The following CSTF3 variants were observed in gnomAD, a reference collection of about 807,000 sequenced individuals.
CSTF3 encodes cleavage stimulation factor subunit 3.
Under a neutral mutation model 105.8 loss-of-function variants are expected in CSTF3, and 29 were observed. That is an observed-to-expected ratio of 0.27 (90% CI 0.20 to 0.37). The LOEUF is 0.37. CSTF3 is among the 10% of genes least tolerant of loss of function. The pLI, the probability that CSTF3 is intolerant of heterozygous loss-of-function variation, is 1.00. For synonymous variants in CSTF3, 252 were observed against 281.9 expected (o/e 0.89, Z 1.06); for missense variants, 357 against 879.3 (o/e 0.41, Z 7.51).
intron 15 of CSTF3, among the ~76,000 whole-genome samples, chr11:33,095,371 C>T (rs964225117): frequency 1.3e-5 from 2 of 152,166 alleles, no homozygotes; most frequent in Non-Finnish European, 2.9e-5. Context: ...AAAAAACCAA[C>T]TTTTATACTA....
Position 33,090,581 on chromosome 11 carries a change from A to G in CSTF3, c.1592T>C (p.Met531Thr). 4 of 1,608,332 alleles carry G rather than the reference A, an allele frequency of 2.5e-6. No homozygotes were observed. The highest frequency in any genetic ancestry group is 1.1e-5 in the South Asian group (1 of 89,750). ...ACTTGCAGAGCAAGGATATAAATCC[A>G]TGAACTTGTATCTATCTACTAGTAA... ...TALLVDRYKFMDLYPCSASEL... is the reference protein window; with the variant it reads ...TALLVDRYKFTDLYPCSASEL... The change falls in exon 17 of 21, where the codon ATG becomes ACG. Residue 531 changes from methionine (M) to threonine (T), a missense_variant. This residue lies in a region of CSTF3 where 206 missense variants were observed against 576.5 expected (regional missense o/e 0.36). Transcript: ENST00000323959.
At chr11:33,113,129 C>T (rs1669237630) in intron 3 of CSTF3, among the ~76,000 whole-genome samples, 1 of 151,844 alleles carries the variant, frequency 6.6e-6, no homozygotes, top group African/African-American at 2.4e-5. Flanking sequence ...ATCATTTGAA[C>T]CCAGGAGGTG....
intron 1 of CSTF3, among the ~76,000 whole-genome samples, chr11:33,160,406 T>C (rs1393237203): frequency 1.3e-5 from 2 of 152,150 alleles, no homozygotes; most frequent in Admixed American, 6.5e-5. Flanking sequence ...GCTATGGCAA[T>C]GGGAAATTTC....
chr11:33,161,208 A>G (rs1197343720), intron 1 of CSTF3, 91 bp downstream of exon 1: 3 of 1,468,920 alleles, frequency 2.0e-6, no homozygotes, highest in African/African-American at 2.8e-5. Flanking sequence ...ACTAGACCCA[A>G]TTCCTTCCTC....
At chr11:33,159,595 C>CAAAAAAAAA (rs71034656) in intron 1 of CSTF3, among the ~76,000 whole-genome samples, 2 of 37,952 alleles carry the variant, frequency 5.3e-5, no homozygotes, top group African/African-American at 1.1e-4. Context: ...GGCTCCATCT[C>CAAAAAAAAA]AAAAAAAAAA....
chr11:33,141,716 G>A lies in CSTF3; in HGVS notation c.176C>T (p.Ala59Val), dbSNP rs754549742. 5.0e-6 allele frequency: 8 copies of A among 1,611,548 alleles called. No homozygotes were observed. The highest frequency in any genetic ancestry group is 1.7e-5 in the Admixed American group (1 of 59,376). ...GAATCTGCCAGAACTGGGGAACTGG[G>A]CAACAAGGCGTTCATAAGTCTTCCG... ...KARKTYERLVAQFPSSGRFWK... is the reference protein window; with the variant it reads ...KARKTYERLVVQFPSSGRFWK... Residue 59 changes from alanine (A) to valine (V), a missense_variant, in exon 3 of 21, where the codon GCC becomes GTC. Transcript: ENST00000323959.
At chr11:33,107,170 A>G (rs1855335501) in intron 5 of CSTF3, among the ~76,000 whole-genome samples, 1 of 151,496 alleles carries the variant, frequency 6.6e-6, no homozygotes, top group African/African-American at 2.4e-5. Context: ...AAAAAAAATC[A>G]GCCAGGTGTG....
chr11:33,121,028 G>A (rs542285307), intron 3 of CSTF3, among the ~76,000 whole-genome samples: 5 of 151,964 alleles, frequency 3.3e-5, no homozygotes, highest in Non-Finnish European at 5.9e-5. Flanking sequence ...ACAGGATTTC[G>A]ATCTTTCCGT....
intron 3 of CSTF3, among the ~76,000 whole-genome samples, chr11:33,110,881 T>TA (rs58887421): frequency 0.03 from 4,430 of 149,470 alleles, 220 homozygotes; most frequent in African/African-American, 0.099. Context: ...GCTATTCTAA[T>TA]AAAAAAAAAA....
chr11:33,125,486 A>G (rs1294020769), intron 3 of CSTF3, among the ~76,000 whole-genome samples: 1 of 152,218 alleles, frequency 6.6e-6, no homozygotes, highest in Non-Finnish European at 1.5e-5. Context: ...TCTACTTTAC[A>G]TACATGGCTT....
At chr11:33,123,500 C>A (rs888207898) in intron 3 of CSTF3, among the ~76,000 whole-genome samples, 1 of 151,992 alleles carries the variant, frequency 6.6e-6, no homozygotes, top group Admixed American at 6.6e-5. Context: ...CCAGCAATTC[C>A]ATTTCTAGGA....
intron 15 of CSTF3, among the ~76,000 whole-genome samples, chr11:33,094,482 G>C (rs560771077): frequency 1.3e-5 from 2 of 152,188 alleles, no homozygotes; most frequent in African/African-American, 4.8e-5. Context: ...TGGATAGATG[G>C]ATAGATGAAT....
intron 3 of CSTF3, among the ~76,000 whole-genome samples, chr11:33,123,754 A>G (rs941141022): frequency 3.9e-5 from 6 of 152,134 alleles, no homozygotes; most frequent in Non-Finnish European, 7.4e-5. Context: ...AGAACACATG[A>G]ATGTATGTGC....
chr11:33,107,896 C>CACTT lies in CSTF3; in HGVS notation c.356+3_356+6dup. The stretch of plus-strand genomic sequence containing the variant: ...ACTTGCATTCTTAAGATCCTGGTTT[C>CACTT]ACTTACTTGTAACTTGGTAGTTTAC... On this transcript the variant is annotated splice_region_variant and intron_variant, in intron 5 of 20. Coordinates refer to ENST00000323959, the MANE Select transcript of CSTF3 (RefSeq NM_001326.3). 1 of 1,559,488 alleles carries CACTT rather than the reference C, an allele frequency of 6.4e-7. No homozygotes were observed. Among genetic ancestry groups the CACTT allele is most frequent in the East Asian group, 2.3e-5 (1 of 43,942 alleles).
intron 3 of CSTF3, among the ~76,000 whole-genome samples, chr11:33,114,154 C>T (rs1855408147): frequency 6.6e-6 from 1 of 152,130 alleles, no homozygotes; most frequent in Non-Finnish European, 1.5e-5. Flanking sequence ...AAAGTGTTAA[C>T]TTTGCCAGAA....
At chr11:33,135,490 T>C (rs1855644265) in intron 3 of CSTF3, among the ~76,000 whole-genome samples, 1 of 152,146 alleles carries the variant, frequency 6.6e-6, no homozygotes, top group Admixed American at 6.5e-5. Context: ...AGTGCTGGTA[T>C]GCTAACTGGG....
At chr11:33,129,212 T>A (rs563881976) in intron 3 of CSTF3, among the ~76,000 whole-genome samples, 2 of 152,200 alleles carry the variant, frequency 1.3e-5, no homozygotes, top group South Asian at 4.1e-4. Flanking sequence ...CTGCCTCAGC[T>A]TCCCAAGCAG....
rs144950779 is a variant in CSTF3 at position 33,154,396 on chromosome 11, T to A, written c.27+6903A>T. On this transcript the variant is annotated intron_variant, in intron 1 of 20. Coordinates refer to ENST00000323959, the MANE Select transcript of CSTF3 (RefSeq NM_001326.3). ...TTTTTTGCTAAAATATTAAGAAAAC[T>A]GAATATACTATATATTTGAAGTCTT... Among the ~76,000 whole-genome samples the A allele has an allele frequency of 8.3e-4, 126 of 151,954 alleles. 1 individual carries two copies. The highest frequency in any genetic ancestry group is 3.4e-3 in the Middle Eastern group (1 of 294).
chr11:33,153,814 G>C (rs938394192), intron 1 of CSTF3, among the ~76,000 whole-genome samples: 10 of 151,900 alleles, frequency 6.6e-5, no homozygotes, highest in Admixed American at 2.6e-4. Context: ...AGTTAAAGTA[G>C]GGATCAGTTA....
Sources: gnomAD v4.1 joint callset for allele counts (sites outside exome capture counted in the v4.1 genomes callset) on GRCh38, gnomAD v4.1.1 for gene constraint, gnomAD v4.1.1 regional missense constraint, MANE v1.5 for transcripts, NCBI Gene and HGNC (gene_info 2026-07-23, HGNC 2026-07-21) for gene names.